Variants in SLIT2 observed in about 807,000 individuals in gnomAD.
SLIT2 encodes the protein slit homolog 2 protein.
Under a neutral mutation model 185.7 loss-of-function variants are expected in SLIT2, and 41 were observed. That is an observed-to-expected ratio of 0.22 (90% confidence interval 0.17 to 0.29). The LOEUF is 0.29. Ranked by LOEUF, SLIT2 falls within the 10% of genes least tolerant of loss-of-function variation. The probability of loss-of-function intolerance (pLI) is 1.00; values close to 1 mark genes in which losing one functional copy is unlikely to be tolerated. For synonymous variants in SLIT2, 693 were observed against 680.2 expected, an observed-to-expected ratio of 1.02 and a Z score of -0.29; for missense variants, 1,571 against 1,909.0, an observed-to-expected ratio of 0.82 and a Z score of 3.30.
At chr4:20,595,870 A>G (rs769471495) in intron 31 of SLIT2, 36 bp downstream of exon 31, 8 of 1,572,522 alleles carry the variant, frequency 5.1e-6, no homozygotes, top group South Asian at 1.1e-5. Flanking sequence ...AGTGTTCAAT[A>G]AGACCTAGCA....
At chr4:20,600,272 A>C (rs1728303289) in intron 33 of SLIT2, among the ~76,000 whole-genome samples, 1 of 152,110 alleles carries the variant, frequency 6.6e-6, no homozygotes, top group Non-Finnish European at 1.5e-5. Flanking sequence ...AATATTTCTA[A>C]ATACTTTGTA....
At chr4:20,566,726 A>G (rs1458079904) in intron 26 of SLIT2, among the ~76,000 whole-genome samples, 2 of 152,052 alleles carry the variant, frequency 1.3e-5, no homozygotes, top group Non-Finnish European at 2.9e-5. Flanking sequence ...TTCTATATGC[A>G]TAAAGTGGCA....
intron 4 of SLIT2, among the ~76,000 whole-genome samples, chr4:20,446,773 A>G (rs1210754761): frequency 6.6e-6 from 1 of 152,208 alleles, no homozygotes; most frequent in Non-Finnish European, 1.5e-5. Flanking sequence ...CACATTATTA[A>G]CTATTAACTC....
chr4:20,259,855 C>G (rs930020457), intron 3 of SLIT2, among the ~76,000 whole-genome samples: 1 of 151,688 alleles, frequency 6.6e-6, no homozygotes, highest in Non-Finnish European at 1.5e-5. Flanking sequence ...TGGCCAAGAG[C>G]AAATATTTCA....
chr4:20,539,474 G>C lies in SLIT2; in HGVS notation c.1866G>C (p.Gly622=). The change falls in exon 19 of 37, where the codon GGG becomes GGC. Residue 622 remains glycine (G), a synonymous_variant. Coordinates refer to ENST00000504154, the MANE Select transcript of SLIT2 (RefSeq NM_004787.4). ...MLRSNRITCV[G]NDSFIGLSSV... Reference sequence around the variant, plus strand: ...GAAGCAATCGAATAACCTGTGTGGGGAATGACAGTTTCATAGGACTCAGTT... The same window carrying C: ...GAAGCAATCGAATAACCTGTGTGGGCAATGACAGTTTCATAGGACTCAGTT... The C allele has an allele frequency of 6.2e-7, 1 of 1,613,450 alleles. No homozygotes were observed. Among genetic ancestry groups the C allele is most frequent in the South Asian group, 1.1e-5 (1 of 91,008 alleles).
intron 4 of SLIT2, among the ~76,000 whole-genome samples, chr4:20,393,994 C>T (rs1259058256): frequency 6.6e-6 from 1 of 151,938 alleles, no homozygotes; most frequent in Non-Finnish European, 1.5e-5. Flanking sequence ...CTTTGCACAG[C>T]ATGACTTAAT....
rs571550545 is a variant in SLIT2, at chr4:20,381,336, A to T, written c.396-86416A>T. On this transcript the variant is annotated intron_variant, in intron 4 of 36. Coordinates refer to ENST00000504154, the MANE Select transcript of SLIT2 (RefSeq NM_004787.4). ...AAGCAGGCAGAGAAATCAATGCACA[A>T]ATCATACAGAATAATAAATATAAGA... 5.6e-4 allele frequency among the ~76,000 whole-genome samples: 86 copies of T among 152,312 alleles called. No homozygotes were observed. In the South Asian group the frequency reaches 0.014, roughly 25 times the overall value.
intron 4 of SLIT2, among the ~76,000 whole-genome samples, chr4:20,439,763 TA>T (rs1729608529): frequency 6.6e-6 from 1 of 152,184 alleles, no homozygotes; most frequent in South Asian, 2.1e-4. Context: ...CACAATCTAC[TA>T]ATATCTGAAC....
chr4:20,284,248 A>G (rs1715058319), intron 4 of SLIT2, among the ~76,000 whole-genome samples: 1 of 152,198 alleles, frequency 6.6e-6, no homozygotes, highest in East Asian at 1.9e-4. Flanking sequence ...TTACTTTTTA[A>G]CATAATGAAT....
chr4:20,315,553 G>A (rs988368892), intron 4 of SLIT2, among the ~76,000 whole-genome samples: 2 of 152,066 alleles, frequency 1.3e-5, no homozygotes, highest in African/African-American at 2.4e-5. Flanking sequence ...TCACTTCAAT[G>A]TGGAGGTTGT....
In SLIT2 at chr4:20,252,656, C is replaced by G. The variant is rs1269331790; in HGVS notation, c.-1160C>G. ...TCTACCTTTGCCATCAGGTGTCTGC[C>G]GCGGAGCTGCGGCTTATCTGGGAGA... On this transcript the variant is annotated 5_prime_UTR_variant, in exon 1 of 37. Coordinates refer to ENST00000504154, the MANE Select transcript of SLIT2 (RefSeq NM_004787.4). 6.6e-6 allele frequency among the ~76,000 whole-genome samples: 1 copy of G among 152,230 alleles called. No homozygotes were observed. The highest frequency in any genetic ancestry group is 6.5e-5 in the Admixed American group (1 of 15,284).
In SLIT2 at chr4:20,567,462, T is replaced by G. The variant is rs996268344; in HGVS notation, c.2851-56T>G. 1.9e-6 allele frequency: 3 copies of G among 1,609,992 alleles called. No individual in the cohort carries two copies. In the African/African-American group the frequency reaches 4.0e-5, roughly 22 times the overall value. On this transcript the variant is annotated intron_variant, in intron 27 of 36. Coordinates refer to ENST00000504154, the MANE Select transcript of SLIT2 (RefSeq NM_004787.4). Reference sequence around the variant, plus strand: ...GTGTGCCTTTATTATTCTACTGTGCTTTCTGTATGTGCCAAGAACTACTTC... The same window carrying G: ...GTGTGCCTTTATTATTCTACTGTGCGTTCTGTATGTGCCAAGAACTACTTC...
chr4:20,341,905 G>T (rs1720990278), intron 4 of SLIT2, among the ~76,000 whole-genome samples: 1 of 152,102 alleles, frequency 6.6e-6, no homozygotes, highest in South Asian at 2.1e-4. Flanking sequence ...TGTCAAATAG[G>T]ATGTTATAAT....
chr4:20,431,379 G>GTTTTAT (rs979710127), intron 4 of SLIT2, among the ~76,000 whole-genome samples: 1 of 152,026 alleles, frequency 6.6e-6, no homozygotes, highest in Non-Finnish European at 1.5e-5. Flanking sequence ...AAATATTTGT[G>GTTTTAT]TTTTATTTTT....
intron 18 of SLIT2, among the ~76,000 whole-genome samples, chr4:20,536,834 T>A (rs1473643115): frequency 1.3e-5 from 2 of 152,144 alleles, no homozygotes; most frequent in African/African-American, 2.4e-5. Flanking sequence ...TTTCTGTTTT[T>A]TAAATTGTTT....
In SLIT2 at chr4:20,539,547, C is replaced by T; in HGVS notation, c.1939C>T (p.Pro647Ser). The change falls in exon 19 of 37, where the codon CCA becomes TCA. Residue 647 changes from proline (P) to serine (S), a missense_variant. Coordinates refer to ENST00000504154, the MANE Select transcript of SLIT2 (RefSeq NM_004787.4). ...LYDNQITTVAPGAFDTLHSLS... is the reference protein window; with the variant it reads ...LYDNQITTVASGAFDTLHSLS... Reference sequence around the variant, plus strand: ...TGATAATCAAATTACTACAGTTGCACCAGGGGCATTTGATACTCTCCATTC... The same window carrying T: ...TGATAATCAAATTACTACAGTTGCATCAGGGGCATTTGATACTCTCCATTC... 2 of 1,612,558 alleles carry T rather than the reference C, an allele frequency of 1.2e-6. No homozygotes were observed. The highest frequency in any genetic ancestry group is 1.7e-6 in the Non-Finnish European group (2 of 1,178,812).
chr4:20,549,224 G>A, intron 24 of SLIT2, 96 bp downstream of exon 24: 1 of 673,972 alleles, frequency 1.5e-6, no homozygotes, highest in Non-Finnish European at 2.6e-6. Context: ...GATTCTTGGT[G>A]CTTGAAGATA....
intron 4 of SLIT2, among the ~76,000 whole-genome samples, chr4:20,336,561 T>G (rs1012745396): frequency 6.6e-6 from 1 of 151,978 alleles, no homozygotes; most frequent in Non-Finnish European, 1.5e-5. Flanking sequence ...GGGATAGCAT[T>G]AATAGAAATA....
chr4:20,296,037 G>T (rs912292347), intron 4 of SLIT2, among the ~76,000 whole-genome samples: 2 of 152,188 alleles, frequency 1.3e-5, no homozygotes, highest in African/African-American at 2.4e-5. Flanking sequence ...GTTCAGACAA[G>T]TTTTCTATCA....
Sources: gnomAD v4.1 joint callset for allele counts (sites outside exome capture counted in the v4.1 genomes callset) on GRCh38, gnomAD v4.1.1 for gene constraint, MANE v1.5 for transcripts, NCBI Gene and HGNC (gene_info 2026-07-23, HGNC 2026-07-21) for gene names.